DOCK5: variants seen among roughly 807,000 people sequenced by gnomAD.
DOCK5 encodes the protein dedicator of cytokinesis protein 5.
Under a neutral mutation model 251.8 loss-of-function variants are expected in DOCK5, and 142 were observed. That is an observed-to-expected ratio of 0.56 (90% CI 0.49 to 0.65). The LOEUF (loss-of-function observed/expected upper bound fraction) is 0.65, where lower values mean the gene tolerates loss of function less well. Ranked by LOEUF, DOCK5 falls within the 30% of genes least tolerant of loss-of-function variation. The pLI is 0.00. For synonymous variants in DOCK5, 842 were observed against 835.5 expected (o/e 1.01, Z -0.13); for missense variants, 2,111 against 2,312.3 (o/e 0.91, Z 1.79).
intron 6 of DOCK5, among the ~76,000 whole-genome samples, chr8:25,293,424 T>C (rs1254549929): frequency 6.6e-6 from 1 of 152,246 alleles, no homozygotes; most frequent in Non-Finnish European, 1.5e-5. Flanking sequence ...GTACATTTCA[T>C]ATACATTACT....
At chr8:25,208,129 G>A (rs756218287) in intron 1 of DOCK5, among the ~76,000 whole-genome samples, 1 of 152,242 alleles carries the variant, frequency 6.6e-6, no homozygotes, top group Non-Finnish European at 1.5e-5. Flanking sequence ...GCCTGAAGAT[G>A]TGAGAATTGC....
At chr8:25,400,675 C>T (rs1183326929) in intron 46 of DOCK5, among the ~76,000 whole-genome samples, 7 of 152,050 alleles carry the variant, frequency 4.6e-5, no homozygotes, top group Admixed American at 2.6e-4. Flanking sequence ...TGCCCCAGGA[C>T]TCCGTTAGAT....
intron 46 of DOCK5, 68 bp downstream of exon 46, chr8:25,400,062 C>A: frequency 1.5e-6 from 2 of 1,295,188 alleles, no homozygotes; most frequent in Non-Finnish European, 2.2e-6. Context: ...TTCTCCAGGG[C>A]TTAAGTCTAC....
Position 25,368,633 on chromosome 8 carries a change from C to T in DOCK5, c.3346C>T (p.Pro1116Ser). 1 of 1,613,722 alleles carries T rather than the reference C, an allele frequency of 6.2e-7. No homozygotes were observed. The highest frequency in any genetic ancestry group is 8.5e-7 in the Non-Finnish European group (1 of 1,179,808). The change falls in exon 33 of 52, where the codon CCT becomes TCT. Residue 1116 changes from proline (P) to serine (S), a missense_variant. Pro to Ser is a moderately conservative substitution (Grantham distance 74). Transcript: ENST00000276440. ...VGPILEVTLT[P>S]EVELRKATIP... ...TCCCATTCTGGAGGTCACTCTGACCCCTGAAGTAGAGCTCCGGAAAGCCAC... is the reference window on the plus strand; with the variant it reads ...TCCCATTCTGGAGGTCACTCTGACCTCTGAAGTAGAGCTCCGGAAAGCCAC...
chr8:25,381,651 A>G lies in DOCK5; in HGVS notation c.4027-1023A>G, dbSNP rs565644864. Among the ~76,000 whole-genome samples, 8 of 152,186 alleles carry G rather than the reference A, an allele frequency of 5.3e-5. No homozygotes were observed. In the South Asian group the frequency reaches 1.5e-3, roughly 28 times the overall value. On this transcript the variant is annotated intron_variant, in intron 39 of 51. Coordinates refer to ENST00000276440, the MANE Select transcript of DOCK5 (RefSeq NM_024940.8). ...TCAAAAAAAAAAAAAAATTTCATCAACTGAACTGAGCTGAAATATTAGTAA... is the reference window on the plus strand; with the variant it reads ...TCAAAAAAAAAAAAAAATTTCATCAGCTGAACTGAGCTGAAATATTAGTAA...
chr8:25,303,396 G>A (rs2709634), intron 10 of DOCK5, among the ~76,000 whole-genome samples: 109,072 of 152,100 alleles, frequency 0.72, 40,568 homozygotes, highest in Non-Finnish European at 0.83. Flanking sequence ...GTGGTTTGCC[G>A]GTCTAGGAAA....
rs79404163 is a variant in DOCK5 at position 25,193,437 on chromosome 8, C to T, written c.43+8486C>T. Among the ~76,000 whole-genome samples, 1,403 of 151,240 alleles carry T rather than the reference C, an allele frequency of 9.3e-3. 20 individuals carry two copies. The highest frequency in any genetic ancestry group is 0.032 in the African/African-American group (1,321 of 41,126). Reference sequence around the variant, plus strand: ...AGCACTGTAGCACTATGCTTGGGACCATTTTAAATAGAAAAATCACCAGCA... The same window carrying T: ...AGCACTGTAGCACTATGCTTGGGACTATTTTAAATAGAAAAATCACCAGCA... On this transcript the variant is annotated intron_variant, in intron 1 of 51. Transcript: ENST00000276440.
intron 46 of DOCK5, 28 bp from the exon 47 acceptor site, chr8:25,400,901 T>C (rs1459618563): frequency 1.9e-6 from 3 of 1,613,144 alleles, no homozygotes; most frequent in Non-Finnish European, 2.5e-6. Flanking sequence ...TGAAGCACAC[T>C]GCACTCATTT....
intron 1 of DOCK5, among the ~76,000 whole-genome samples, chr8:25,192,902 T>C (rs1232271893): frequency 6.6e-6 from 1 of 152,228 alleles, no homozygotes. Context: ...GCCTTATCTT[T>C]CTACCACTAC....
intron 1 of DOCK5, among the ~76,000 whole-genome samples, chr8:25,237,467 A>G (rs1802833065): frequency 6.6e-6 from 1 of 152,188 alleles, no homozygotes; most frequent in South Asian, 2.1e-4. Flanking sequence ...TGCAGCCAGT[A>G]AGTCTGTTCT....
intron 1 of DOCK5, among the ~76,000 whole-genome samples, chr8:25,228,644 C>T (rs1016204883): frequency 2.0e-5 from 3 of 152,220 alleles, no homozygotes; most frequent in Middle Eastern, 3.2e-3. Context: ...AACTTCCATG[C>T]GTTGCCGTGG....
chr8:25,260,227 C>T (rs1458530751), intron 2 of DOCK5, among the ~76,000 whole-genome samples: 2 of 152,226 alleles, frequency 1.3e-5, no homozygotes, highest in East Asian at 1.9e-4. Context: ...CTTACCTGGC[C>T]CACAGGGGAT....
intron 21 of DOCK5, among the ~76,000 whole-genome samples, chr8:25,334,813 CAAACCATGAATT>C (rs1003001848): frequency 6.6e-6 from 1 of 151,962 alleles, no homozygotes; most frequent in Non-Finnish European, 1.5e-5. Flanking sequence ...TCAAGGAGAT[CAAACCATGAATT>C]AAACAAGACC....
intron 1 of DOCK5, among the ~76,000 whole-genome samples, chr8:25,190,775 G>GTT (rs755511798): frequency 0.014 from 770 of 53,790 alleles, 122 homozygotes; most frequent in East Asian, 0.018. Context: ...CTTGGTCATG[G>GTT]GTTTTTTTTT....
chr8:25,185,047 C>G (rs1006546844), intron 1 of DOCK5, 96 bp downstream of exon 1: 19 of 1,232,044 alleles, frequency 1.5e-5, no homozygotes, highest in Non-Finnish European at 1.8e-5. Context: ...GCGGAGGACC[C>G]TGGCCGGGGG....
chr8:25,410,296 T>G, intron 51 of DOCK5, 94 bp downstream of exon 51: 2 of 1,045,196 alleles, frequency 1.9e-6, no homozygotes, highest in Non-Finnish European at 2.9e-6. Flanking sequence ...GCAGGTTTGC[T>G]CATAGACCTG....
chr8:25,289,225 C>CGTCATA (rs1385426238), intron 5 of DOCK5, among the ~76,000 whole-genome samples: 1 of 152,090 alleles, frequency 6.6e-6, no homozygotes, highest in Non-Finnish European at 1.5e-5. Context: ...TCCTTAGGAT[C>CGTCATA]GTCATAGAAG....
At chr8:25,236,581 C>A (rs547594404) in intron 1 of DOCK5, among the ~76,000 whole-genome samples, 2 of 151,714 alleles carry the variant, frequency 1.3e-5, no homozygotes, top group African/African-American at 2.4e-5. Flanking sequence ...TTGTAACCAT[C>A]TTTTTTTTAT....
chr8:25,368,307 C>T (rs577904402), intron 32 of DOCK5, 57 bp downstream of exon 32: 128 of 1,462,478 alleles, frequency 8.8e-5, no homozygotes, highest in Admixed American at 1.9e-4. Context: ...AAGCATCCCA[C>T]GATAAAGTCT....
Sources: gnomAD v4.1 joint callset for allele counts (sites outside exome capture counted in the v4.1 genomes callset) on GRCh38, gnomAD v4.1.1 for gene constraint, MANE v1.5 for transcripts, NCBI Gene and HGNC (gene_info 2026-07-23, HGNC 2026-07-21) for gene names.